Variants in IFT88 observed in about 807,000 individuals in gnomAD.
IFT88 encodes intraflagellar transport protein 88 homolog.
Under a neutral mutation model 119.5 loss-of-function variants are expected in IFT88, and 74 were observed. The observed-to-expected ratio is 0.62, with a 90% CI of 0.51 to 0.75. The LOEUF (loss-of-function observed/expected upper bound fraction) is 0.75. Ranked by LOEUF, IFT88 falls within the 30% of genes least tolerant of loss-of-function variation. IFT88 has a pLI of 0.00. For synonymous variants in IFT88, 279 were observed against 316.7 expected, an observed-to-expected ratio of 0.88 and a Z score of 1.26; for missense variants, 961 against 977.7, an observed-to-expected ratio of 0.98 and a Z score of 0.23.
chr13:20,679,031 A>T (rs1185155574), intron 24 of IFT88, among the ~76,000 whole-genome samples: 1 of 152,156 alleles, frequency 6.6e-6, no homozygotes, highest in Admixed American at 6.5e-5. Flanking sequence ...GGCTTGAAAT[A>T]CTTGTTTCTT....
intron 4 of IFT88, among the ~76,000 whole-genome samples, chr13:20,590,097 C>T (rs2040401656): frequency 6.6e-6 from 1 of 152,034 alleles, no homozygotes; most frequent in Admixed American, 6.6e-5. Flanking sequence ...TTTGTAAACC[C>T]TGTGTTCGTT....
At chr13:20,661,734 T>TA (rs10544629) in intron 22 of IFT88, among the ~76,000 whole-genome samples, 3,958 of 143,720 alleles carry the variant, frequency 0.028, 168 homozygotes, top group African/African-American at 0.094. Context: ...GACTCCATCT[T>TA]AAAAAAAAAA....
intron 24 of IFT88, among the ~76,000 whole-genome samples, chr13:20,678,562 G>A (rs951685829): frequency 3.9e-5 from 6 of 152,210 alleles, no homozygotes; most frequent in Non-Finnish European, 5.9e-5. Context: ...GCTATTGTTT[G>A]TGGCTTGAGC....
At chr13:20,624,107 T>C (rs1431077293) in intron 14 of IFT88, among the ~76,000 whole-genome samples, 4 of 152,202 alleles carry the variant, frequency 2.6e-5, no homozygotes, top group Non-Finnish European at 4.4e-5. Context: ...CTCTGAAATT[T>C]GTTGCAGCTT....
chr13:20,691,216 T>C lies in IFT88; in HGVS notation c.*41T>C. On this transcript the variant is annotated 3_prime_UTR_variant, in exon 26 of 26. Coordinates refer to ENST00000351808, the MANE Select transcript of IFT88 (RefSeq NM_006531.5). ...TTATTAAAGGAAAGAAATTGCCTTA[T>C]GAGATCATCCTCATGTTAAACCTTG... The C allele has an allele frequency of 1.9e-6, 3 of 1,565,020 alleles. No individual in the cohort carries two copies. The South Asian group carries it at 3.5e-5, about 18-fold the overall frequency.
intron 3 of IFT88, among the ~76,000 whole-genome samples, chr13:20,589,377 TA>T (rs1202971690): frequency 6.6e-6 from 1 of 152,184 alleles, no homozygotes; most frequent in East Asian, 1.9e-4. Flanking sequence ...TATTCTTATT[TA>T]AAAGATGAGA....
chr13:20,573,670 G>A (rs773562179), intron 1 of IFT88, among the ~76,000 whole-genome samples: 40 of 152,320 alleles, frequency 2.6e-4, no homozygotes, highest in Non-Finnish European at 5.3e-4. Flanking sequence ...TCAGCAACGT[G>A]TGAATACTCT....
At chr13:20,603,477 T>C (rs1354138952) in intron 12 of IFT88, among the ~76,000 whole-genome samples, 2 of 152,208 alleles carry the variant, frequency 1.3e-5, no homozygotes, top group African/African-American at 4.8e-5. Flanking sequence ...ACTCAGCTCT[T>C]ACTCTCCCTG....
In IFT88 at chr13:20,601,924, T is replaced by A. The variant is rs2042653230; in HGVS notation, c.1032T>A (p.Ile344=). 1 of 1,548,516 alleles carries A rather than the reference T, an allele frequency of 6.5e-7. No homozygotes were observed. The highest frequency in any genetic ancestry group is 1.4e-5 in the African/African-American group (1 of 73,550). ...TAGAAATTGATGAAGATAAATATATTTCACCAAGTGTGAGTATGAAAAAGA... is the reference window on the plus strand; with the variant it reads ...TAGAAATTGATGAAGATAAATATATATCACCAAGTGTGAGTATGAAAAAGA... ...VPLEIDEDKY[I]SPSDDPHTNL... is the part of the protein sequence containing the mutation. The change falls in exon 12 of 26, where the codon ATT becomes ATA. Residue 344 remains isoleucine, a synonymous_variant. Coordinates refer to ENST00000351808, the MANE Select transcript of IFT88 (RefSeq NM_006531.5).
At chr13:20,620,997 C>G (rs746485562) in intron 14 of IFT88, among the ~76,000 whole-genome samples, 1 of 152,336 alleles carries the variant, frequency 6.6e-6, no homozygotes, top group East Asian at 1.9e-4. Context: ...TTGGACTTCT[C>G]AGTCTTCGTA....
intron 8 of IFT88, 26 bp downstream of exon 8, chr13:20,596,266 T>C (rs374436529): frequency 2.3e-5 from 25 of 1,071,454 alleles, no homozygotes; most frequent in Non-Finnish European, 3.0e-5. Context: ...AGATTCAAAA[T>C]TATGAAGCAT....
chr13:20,658,822 A>G (rs1337508510), intron 22 of IFT88, among the ~76,000 whole-genome samples: 1 of 152,182 alleles, frequency 6.6e-6, no homozygotes, highest in African/African-American at 2.4e-5. Flanking sequence ...GAACTCTTGA[A>G]GTAACCATAG....
At chr13:20,570,976 T>A (rs901398108) in intron 1 of IFT88, among the ~76,000 whole-genome samples, 1 of 151,914 alleles carries the variant, frequency 6.6e-6, no homozygotes, top group African/African-American at 2.4e-5. Flanking sequence ...AAAATTTATT[T>A]TTTATTTATT....
At chr13:20,672,347 C>T (rs1202771156) in intron 24 of IFT88, among the ~76,000 whole-genome samples, 1 of 152,120 alleles carries the variant, frequency 6.6e-6, no homozygotes, top group Non-Finnish European at 1.5e-5. Flanking sequence ...AGCCATTACC[C>T]AGAGCTGGAG....
chr13:20,657,578 T>C (rs1000464647), intron 22 of IFT88, among the ~76,000 whole-genome samples: 1 of 152,212 alleles, frequency 6.6e-6, no homozygotes, highest in Non-Finnish European at 1.5e-5. Flanking sequence ...AGATACTTTC[T>C]TAAATAACAT....
At chr13:20,591,825 G>GA (rs1055920278) in intron 6 of IFT88, 144 bp downstream of exon 6, 2 of 583,888 alleles carry the variant, frequency 3.4e-6, no homozygotes, top group Admixed American at 6.6e-5. Flanking sequence ...GTACCATTAA[G>GA]AAAGGAAAAG....
chr13:20,598,834 T>TA, intron 10 of IFT88, 81 bp downstream of exon 10: 1 of 810,768 alleles, frequency 1.2e-6, no homozygotes, highest in South Asian at 1.4e-5. Flanking sequence ...TATGCTTCCT[T>TA]AAAATGAAAT....
intron 14 of IFT88, among the ~76,000 whole-genome samples, chr13:20,623,550 C>T (rs1194459469): frequency 6.6e-6 from 1 of 152,198 alleles, no homozygotes. Flanking sequence ...TCTCGGCTCA[C>T]TGCAAGCTCC....
At chr13:20,672,129 T>A (rs1011446801) in intron 24 of IFT88, among the ~76,000 whole-genome samples, 1 of 152,146 alleles carries the variant, frequency 6.6e-6, no homozygotes, top group Non-Finnish European at 1.5e-5. Flanking sequence ...GGATAGAAAC[T>A]GCAGTTGGGA....
Sources: gnomAD v4.1 joint callset for allele counts (sites outside exome capture counted in the v4.1 genomes callset) on GRCh38, gnomAD v4.1.1 for gene constraint, MANE v1.5 for transcripts, NCBI Gene and HGNC (gene_info 2026-07-23, HGNC 2026-07-21) for gene names.